SMAD1: variants seen among roughly 807,000 people sequenced by gnomAD.
SMAD1 encodes the protein MAD, mothers against decapentaplegic homolog 1.
In SMAD1, 6 loss-of-function variants were observed where a neutral mutation model predicts 41.6. That is an observed-to-expected ratio of 0.14 (90% confidence interval 0.08 to 0.28). SMAD1 has a LOEUF of 0.28. Ranked by LOEUF, SMAD1 falls within the 10% of genes least tolerant of loss-of-function variation. The pLI is 1.00. For missense variants in SMAD1, 379 were observed against 582.6 expected (o/e 0.65, Z 3.60); for synonymous variants, 206 against 203.2 (o/e 1.01, Z -0.12).
intron 1 of SMAD1, among the ~76,000 whole-genome samples, chr4:145,510,827 C>G (rs1730034872): frequency 6.6e-6 from 1 of 151,976 alleles, no homozygotes. Flanking sequence ...GTGGGTTTGC[C>G]TGTCATTGTA....
chr4:145,551,656 T>TAA (rs1266335875), intron 5 of SMAD1, among the ~76,000 whole-genome samples: 1 of 152,184 alleles, frequency 6.6e-6, no homozygotes, highest in African/African-American at 2.4e-5. Flanking sequence ...AGATGGCTAA[T>TAA]AAACTACGAG....
intron 1 of SMAD1, among the ~76,000 whole-genome samples, chr4:145,483,479 A>T (rs1297734102): frequency 2.0e-5 from 3 of 152,192 alleles, no homozygotes; most frequent in Admixed American, 2.0e-4. Flanking sequence ...AGGTAGGTGG[A>T]CCGTGTTAAA....
intron 2 of SMAD1, among the ~76,000 whole-genome samples, chr4:145,529,527 G>A (rs1314462367): frequency 6.6e-6 from 1 of 152,182 alleles, no homozygotes; most frequent in Non-Finnish European, 1.5e-5. Flanking sequence ...AAGACCGTGG[G>A]CTATCTTGAT....
At chr4:145,534,969 A>G (rs1731530865) in intron 2 of SMAD1, among the ~76,000 whole-genome samples, 1 of 152,210 alleles carries the variant, frequency 6.6e-6, no homozygotes, top group South Asian at 2.1e-4. Flanking sequence ...AAATATCCAC[A>G]ACATATATCA....
intron 4 of SMAD1, among the ~76,000 whole-genome samples, chr4:145,543,490 A>G (rs1578817971): frequency 1.3e-5 from 2 of 152,142 alleles, no homozygotes; most frequent in South Asian, 4.1e-4. Context: ...ATTTCTTGCT[A>G]TTTGTTTCTA....
intron 5 of SMAD1, among the ~76,000 whole-genome samples, chr4:145,552,440 A>G (rs1253317555): frequency 1.3e-5 from 2 of 152,360 alleles, no homozygotes; most frequent in East Asian, 1.9e-4. Flanking sequence ...GTATAAAGTC[A>G]TCTTCCATAA....
In SMAD1 at chr4:145,514,196, A is replaced by C. The variant is rs945158172; in HGVS notation, c.-176-242A>C. Reference sequence around the variant, plus strand: ...CAATCTTAAGACCACCAGTCCTATCAGGTTAGGGCCCCACCCTGATGACCT... The same window carrying C: ...CAATCTTAAGACCACCAGTCCTATCCGGTTAGGGCCCCACCCTGATGACCT... On this transcript the variant is annotated intron_variant, in intron 1 of 6. Coordinates refer to ENST00000302085, the MANE Select transcript of SMAD1 (RefSeq NM_005900.3). The surrounding 1 kb of genome is among the most constrained non-coding windows in gnomAD (Gnocchi z 4.7). Among the ~76,000 whole-genome samples the C allele has an allele frequency of 6.6e-6, 1 of 150,498 alleles. No homozygotes were observed. The highest frequency in any genetic ancestry group is 1.5e-5 in the Non-Finnish European group (1 of 67,996).
intron 2 of SMAD1, among the ~76,000 whole-genome samples, chr4:145,520,699 GGA>G (rs1441627717): frequency 6.6e-6 from 1 of 152,200 alleles, no homozygotes; most frequent in African/African-American, 2.4e-5. Context: ...GGGAAGTTGG[GGA>G]GAAGTCTATG....
In SMAD1 at chr4:145,518,639, A is replaced by C. The variant is rs533655192; in HGVS notation, c.400+3626A>C. On this transcript the variant is annotated intron_variant, in intron 2 of 6. Transcript: ENST00000302085. ...GGAATTCTAAGCTGCACATATACACAGCTCAACACTGAATTATTTTGAACT... is the reference window on the plus strand; with the variant it reads ...GGAATTCTAAGCTGCACATATACACCGCTCAACACTGAATTATTTTGAACT... Among the ~76,000 whole-genome samples the C allele has an allele frequency of 7.9e-5, 10 of 126,856 alleles. 2 individuals carry two copies. Among genetic ancestry groups the C allele is most frequent in the African/African-American group, 2.5e-4 (10 of 39,746 alleles). The allele number at this position is 126,856 out of a possible 152,430, so 83.2% of individuals were successfully genotyped here. A position where few individuals can be genotyped will look rare whatever the true frequency, so the allele number is the denominator to read the frequency against.
Position 145,553,966 on chromosome 4 carries a change from C to T in SMAD1, c.1180C>T (p.Gln394Ter). The T allele has an allele frequency of 1.2e-6, 2 of 1,613,820 alleles. No individual in the cohort carries two copies. Among genetic ancestry groups the T allele is most frequent in the Non-Finnish European group, 8.5e-7 (1 of 1,179,768 alleles). ...CCAAGAATTTGCTCAGTTATTGGCA[C>T]AGTCTGTGAACCATGGATTTGAGAC... Reference protein sequence around the residue: ...NNQEFAQLLAQSVNHGFETVY... With the variant: ...NNQEFAQLLA The change falls in exon 6 of 7, where the codon CAG (glutamine) becomes TAG (stop). Residue 394 changes from glutamine (Q) to a stop codon, truncating the protein, a stop_gained. Coordinates refer to ENST00000302085, the MANE Select transcript of SMAD1 (RefSeq NM_005900.3). LOFTEE classifies it high-confidence loss of function.
rs78752181 is a variant in SMAD1, at chr4:145,489,927, C to T, written c.-177+7889C>T. ...TGTTTGACATAGACCAAAGAAGAAA[C>T]TGGAAGAAAGGCATGGGGTCAGAGG... On this transcript the variant is annotated intron_variant, in intron 1 of 6. Coordinates refer to ENST00000302085, the MANE Select transcript of SMAD1 (RefSeq NM_005900.3). 3.6e-3 allele frequency among the ~76,000 whole-genome samples: 546 copies of T among 152,168 alleles called. 5 individuals are homozygous for T. Among genetic ancestry groups the T allele is most frequent in the Middle Eastern group, 0.017 (5 of 294 alleles).
chr4:145,506,160 A>G (rs1404327615), intron 1 of SMAD1, among the ~76,000 whole-genome samples: 2 of 152,120 alleles, frequency 1.3e-5, no homozygotes, highest in Non-Finnish European at 2.9e-5. Context: ...GAATTTTTAT[A>G]AAGTTGTCTT....
upstream of SMAD1, chr4:145,481,780 G>A (rs919271788): frequency 1.0e-5 from 2 of 193,156 alleles, no homozygotes; most frequent in Non-Finnish European, 2.1e-5. Flanking sequence ...CGGGCGGGCA[G>A]GCGAGTGCGC....
intron 2 of SMAD1, among the ~76,000 whole-genome samples, chr4:145,535,089 T>G (rs1257603977): frequency 6.6e-6 from 1 of 152,070 alleles, no homozygotes; most frequent in African/African-American, 2.4e-5. Flanking sequence ...AAGCGCTGTC[T>G]GAAATACATG....
intron 5 of SMAD1, among the ~76,000 whole-genome samples, chr4:145,553,079 ATTT>A (rs113208405): frequency 7.2e-6 from 1 of 138,600 alleles, no homozygotes. Context: ...AATTTTTTGT[ATTT>A]TTTTTTTTTT....
chr4:145,511,467 T>C (rs997709385), intron 1 of SMAD1, among the ~76,000 whole-genome samples: 3 of 152,204 alleles, frequency 2.0e-5, no homozygotes, highest in African/African-American at 7.2e-5. Flanking sequence ...AGATAGGGTC[T>C]TCCTGTGCTG....
intron 1 of SMAD1, among the ~76,000 whole-genome samples, chr4:145,505,174 T>C (rs529905835): frequency 6.6e-6 from 1 of 152,304 alleles, no homozygotes; most frequent in East Asian, 1.9e-4. Flanking sequence ...TGTTTTATAG[T>C]AATGAGAATT....
intron 5 of SMAD1, among the ~76,000 whole-genome samples, chr4:145,553,574 A>C (rs915721394): frequency 6.6e-6 from 1 of 152,140 alleles, no homozygotes; most frequent in African/African-American, 2.4e-5. Flanking sequence ...ACCTCCTGCT[A>C]TGTGGCCTGG....
At chr4:145,540,567 G>A (rs1731867217) in intron 3 of SMAD1, among the ~76,000 whole-genome samples, 1 of 152,114 alleles carries the variant, frequency 6.6e-6, no homozygotes, top group Non-Finnish European at 1.5e-5. Flanking sequence ...AACAACAAAG[G>A]AATTACAACA....
Sources: allele counts gnomAD v4.1 joint callset (sites outside exome capture counted in the v4.1 genomes callset), GRCh38; gene constraint gnomAD v4.1.1; non-coding constraint Gnocchi (gnomAD v3.1); transcripts MANE v1.5; gene names NCBI Gene and HGNC (gene_info 2026-07-23, HGNC 2026-07-21).